The following UBASH3A variants were observed in gnomAD, a reference collection of about 807,000 sequenced individuals.
The protein encoded by UBASH3A is ubiquitin associated and SH3 domain containing A, also known as ubiquitin-associated and SH3 domain-containing protein A.
A neutral mutation model predicts 73.5 loss-of-function variants in UBASH3A; 63 were observed. The ratio of observed to expected loss-of-function variants is 0.86; its 90% CI spans 0.70 to 1.06. UBASH3A has a LOEUF of 1.06. UBASH3A is among the 50% of genes least tolerant of loss of function. UBASH3A has a pLI of 0.00. For missense variants in UBASH3A, 860 were observed against 859.0 expected, an observed-to-expected ratio of 1.00 and a Z score of -0.02; for synonymous variants, 363 against 351.1, an observed-to-expected ratio of 1.03 and a Z score of -0.38.
At chr21:42,442,944 A>G (rs1471189820) in intron 12 of UBASH3A, among the ~76,000 whole-genome samples, 1 of 152,172 alleles carries the variant, frequency 6.6e-6, no homozygotes, top group Non-Finnish European at 1.5e-5. Context: ...CGAAGGTAGG[A>G]GGTTCTTGCT....
chr21:42,413,601 T>G lies in UBASH3A; in HGVS notation c.667+78T>G, dbSNP rs2053145587. On this transcript the variant is annotated intron_variant, in intron 5 of 14. Coordinates refer to ENST00000319294, the MANE Select transcript of UBASH3A (RefSeq NM_018961.4). The surrounding 1 kb of genome is among the most constrained non-coding windows in gnomAD (Gnocchi z 4.5). ...ATAGCCTTGTTCTCATTATGTGGTT[T>G]TTAAAATGCTTAGCTATATGCCAAC... The G allele has an allele frequency of 9.0e-7, 1 of 1,105,324 alleles. No homozygotes were observed. Among genetic ancestry groups the G allele is most frequent in the Admixed American group, 2.2e-5 (1 of 44,460 alleles). 68.5% of individuals were successfully genotyped at this position (1,105,324 alleles called of 1,614,324 possible).
rs534567139 is a variant in UBASH3A, at chr21:42,444,304, G to A, written c.1739-230G>A. 1.1e-4 allele frequency among the ~76,000 whole-genome samples: 16 copies of A among 152,304 alleles called. No individual in the cohort carries two copies. The East Asian group carries it at 3.1e-3, about 29-fold the overall frequency. On this transcript the variant is annotated intron_variant, in intron 13 of 14. Transcript: ENST00000319294. ...AGGGGGTGGCTCAGCTCACTTCCTA[G>A]GCCTCCCTGAGGCTGGTGGGCAGCT...
intron 2 of UBASH3A, among the ~76,000 whole-genome samples, chr21:42,407,757 A>C (rs1282077103): frequency 1.3e-5 from 2 of 152,282 alleles, no homozygotes; most frequent in Admixed American, 6.5e-5. Context: ...GCGTCTAAGC[A>C]GATTCCCTGG....
At chr21:42,417,483 A>G (rs1027814757) in intron 6 of UBASH3A, 3 of 151,042 alleles carry the variant, frequency 2.0e-5, no homozygotes, top group African/African-American at 7.3e-5. Context: ...CTATGAATAC[A>G]TGTTTTGCTT....
chr21:42,444,436 C>A (rs2053811062), intron 13 of UBASH3A, 98 bp from the exon 14 acceptor site: 1 of 909,300 alleles, frequency 1.1e-6, no homozygotes, highest in Non-Finnish European at 1.8e-6. Flanking sequence ...TCGGGGCACT[C>A]TGAGATAGCT....
intron 10 of UBASH3A, 102 bp downstream of exon 10, chr21:42,435,056 C>G: frequency 7.0e-7 from 1 of 1,437,242 alleles, no homozygotes; most frequent in Non-Finnish European, 9.5e-7. Flanking sequence ...CCCTTTGATA[C>G]AGTGTTAGCT....
At position 42,434,925 on chromosome 21, in the gene UBASH3A, C is replaced by T. The variant is rs867419874; in HGVS notation, c.1364C>T (p.Ser455Leu). ...TTTGAAAACGATCCCCCATTATCAT[C>T]GTGTGGCATTTTCCAGTCCAGAATT... ...KDFENDPPLS[S>L]CGIFQSRIAG... The change falls in exon 10 of 15, where the codon TCG becomes TTG. Residue 455 changes from serine to leucine, a missense_variant. Physicochemically the swap from Ser to Leu is moderately radical, Grantham distance 145. Transcript: ENST00000319294. 12 of 1,614,070 alleles carry T rather than the reference C, an allele frequency of 7.4e-6. No homozygotes were observed. The highest frequency in any genetic ancestry group is 1.3e-5 in the African/African-American group (1 of 74,914).
chr21:42,421,641 AC>A (rs2053340486), intron 7 of UBASH3A, among the ~76,000 whole-genome samples: 1 of 152,198 alleles, frequency 6.6e-6, no homozygotes, highest in South Asian at 2.1e-4. Context: ...TATTTTCTGT[AC>A]CCTTCCTAAT....
rs185933322 is a variant in UBASH3A at position 42,406,127 on chromosome 21, C to A, written c.114-181C>A. Among the ~76,000 whole-genome samples the A allele has an allele frequency of 1.1e-3, 170 of 152,106 alleles. 3 individuals carry two copies. The East Asian group carries it at 0.025, about 23-fold the overall frequency. ...GAGGTGTGAGCTGGTCAGCATTGTC[C>A]AAAACCACGATGGCAGCACTCAGGG... On this transcript the variant is annotated intron_variant, in intron 1 of 14. Transcript: ENST00000319294.
chr21:42,441,943 G>C (rs2053753273), intron 11 of UBASH3A, among the ~76,000 whole-genome samples: 1 of 152,196 alleles, frequency 6.6e-6, no homozygotes. Context: ...GGAAATGTGA[G>C]TTGCAGGGAG....
intron 8 of UBASH3A, among the ~76,000 whole-genome samples, chr21:42,427,648 A>C (rs577581929): frequency 1.6e-4 from 24 of 151,680 alleles, no homozygotes; most frequent in African/African-American, 5.3e-4. Flanking sequence ...ACTCCTAACC[A>C]CCCTCCCATC....
chr21:42,404,225 G>A (rs1302466866), intron 1 of UBASH3A, 167 bp downstream of exon 1: 3 of 394,308 alleles, frequency 7.6e-6, no homozygotes, highest in African/African-American at 2.1e-5. Flanking sequence ...TCTGCTTCTC[G>A]TAAATGAGGT....
chr21:42,443,018 C>A, intron 12 of UBASH3A: 1 of 832,590 alleles, frequency 1.2e-6, no homozygotes, highest in Non-Finnish European at 1.6e-6. Flanking sequence ...GAAGAAGGTT[C>A]AGAGGAGCTG....
rs9974660 is a variant in UBASH3A at position 42,418,294 on chromosome 21, T to C, written c.838-107T>C. The C allele has an allele frequency of 6.8e-4, 633 of 924,600 alleles. 1 individual carries two copies. In the African/African-American group the frequency reaches 8.1e-3, roughly 12 times the overall value. The allele number at this position is 924,600 out of a possible 1,614,324, so 57.3% of individuals were successfully genotyped here. On this transcript the variant is annotated intron_variant, in intron 6 of 14. Transcript: ENST00000319294. ...TGGAGTCTTGGAGACACAGAACACA[T>C]TGGAGGGGCAGAAAGCAGGAGGTGG...
chr21:42,434,726 C>T (rs538007511), intron 9 of UBASH3A, 106 bp from the exon 10 acceptor site: 2 of 1,272,650 alleles, frequency 1.6e-6, no homozygotes, highest in East Asian at 4.9e-5. Flanking sequence ...ACAATAATTT[C>T]AATAATAACA....
At chr21:42,426,641 C>T in intron 7 of UBASH3A, 56 bp from the exon 8 acceptor site, 3 of 1,598,102 alleles carry the variant, frequency 1.9e-6, no homozygotes, top group Non-Finnish European at 2.6e-6. Flanking sequence ...TGCTGGGTCT[C>T]CATGGCAACA....
At chr21:42,418,009 A>G (rs112939724) in intron 6 of UBASH3A, among the ~76,000 whole-genome samples, 4,194 of 148,116 alleles carry the variant, frequency 0.028, 255 homozygotes, top group Admixed American at 0.15. Flanking sequence ...CAAGCTTCCC[A>G]AGTAGCTGGG....
At chr21:42,433,265 A>C (rs2053567781) in intron 9 of UBASH3A, among the ~76,000 whole-genome samples, 1 of 152,180 alleles carries the variant, frequency 6.6e-6, no homozygotes, top group Non-Finnish European at 1.5e-5. Context: ...AGTTTGTCTG[A>C]ATTTTGTATA....
Position 42,406,292 on chromosome 21 carries a change from G to C in UBASH3A, c.114-16G>C, listed in dbSNP as rs778198449. 1.1e-5 allele frequency: 17 copies of C among 1,613,394 alleles called. No homozygotes were observed. Among genetic ancestry groups the C allele is most frequent in the Non-Finnish European group, 1.4e-5 (17 of 1,179,306 alleles). On this transcript the variant is annotated splice_polypyrimidine_tract_variant and intron_variant, in intron 1 of 14. Transcript: ENST00000319294. ...ATGGGCGACGTGACTTTGTGTCTGT[G>C]TCTGCTCTTCTGCAGGCTGAAAGCG...
Sources: allele counts gnomAD v4.1 joint callset (sites outside exome capture counted in the v4.1 genomes callset), GRCh38; gene constraint gnomAD v4.1.1; non-coding constraint Gnocchi (gnomAD v3.1); transcripts MANE v1.5; gene names NCBI Gene and HGNC (gene_info 2026-07-23, HGNC 2026-07-21).